RALGPS1: variants seen among roughly 807,000 people sequenced by gnomAD.
The protein encoded by RALGPS1 is ras-specific guanine nucleotide-releasing factor RalGPS1.
RALGPS1 carries 19 observed loss-of-function variants against 78.8 expected under a neutral mutation model. That is an observed-to-expected ratio of 0.24 (90% CI 0.17 to 0.35). RALGPS1 has a LOEUF of 0.35. RALGPS1 is among the 10% of genes least tolerant of loss of function. The pLI, the probability that RALGPS1 is intolerant of heterozygous loss-of-function variation, is 1.00. For missense variants in RALGPS1, 454 were observed against 688.3 expected (o/e 0.66, Z 3.81); for synonymous variants, 228 against 256.3 (o/e 0.89, Z 1.06).
intron 1 of RALGPS1, among the ~76,000 whole-genome samples, chr9:126,940,665 T>A (rs1244251898): frequency 6.6e-6 from 1 of 152,102 alleles, no homozygotes; most frequent in Non-Finnish European, 1.5e-5. Flanking sequence ...ACGGTCTCGA[T>A]CTCCTGACCT....
rs187917958 is a variant in RALGPS1 at position 126,934,506 on chromosome 9, A to C, written c.-66+19531A>C. On this transcript the variant is annotated intron_variant, in intron 1 of 18. Transcript: ENST00000259351. ...GCCGGGTGGTGCTGTAGTCAGAGAA[A>C]CCTCCTGTCAAGCGGAGCCCGATGG... is the stretch of plus-strand genomic sequence containing the variant. 4.4e-3 allele frequency among the ~76,000 whole-genome samples: 656 copies of C among 150,788 alleles called. 5 individuals carry two copies. The highest frequency in any genetic ancestry group is 6.2e-3 in the Non-Finnish European group (417 of 67,684).
intron 4 of RALGPS1, among the ~76,000 whole-genome samples, chr9:126,992,796 C>T (rs2042393933): frequency 6.6e-6 from 1 of 152,336 alleles, no homozygotes. Context: ...GGGTTTTCTA[C>T]ACAGATAATG....
intron 8 of RALGPS1, among the ~76,000 whole-genome samples, chr9:127,151,927 A>G (rs1588188950): frequency 6.6e-6 from 1 of 151,786 alleles, no homozygotes; most frequent in African/African-American, 2.4e-5. Context: ...TTCTCTTTTC[A>G]TTGGCACTGA....
At chr9:127,106,419 T>C (rs886203243) in intron 8 of RALGPS1, among the ~76,000 whole-genome samples, 1 of 152,238 alleles carries the variant, frequency 6.6e-6, no homozygotes, top group African/African-American at 2.4e-5. Flanking sequence ...AAGACCTAGA[T>C]CAAAGGAGGC....
chr9:126,999,889 T>C (rs2043130778), intron 4 of RALGPS1, among the ~76,000 whole-genome samples: 1 of 152,250 alleles, frequency 6.6e-6, no homozygotes, highest in African/African-American at 2.4e-5. Flanking sequence ...ACCACAAATT[T>C]AGTTTCTCTA....
In RALGPS1 at chr9:127,093,777, G is replaced by C. The variant is rs1401857481; in HGVS notation, c.610+24421G>C. On this transcript the variant is annotated intron_variant, in intron 8 of 18. Transcript: ENST00000259351. ...CTGAAGAAGTTAACAGAGCCATCCA[G>C]GCGTCTCTGGATGACGGTCCAGCCC... 3 of 1,613,986 alleles carry C rather than the reference G, an allele frequency of 1.9e-6. No homozygotes were observed. The African/African-American group carries it at 4.0e-5, about 22-fold the overall frequency.
chr9:127,153,249 A>C (rs753305004), intron 8 of RALGPS1, among the ~76,000 whole-genome samples: 2 of 152,074 alleles, frequency 1.3e-5, no homozygotes, highest in African/African-American at 2.4e-5. Flanking sequence ...AGAGCAGATG[A>C]ATGAACTCTG....
chr9:127,061,383 G>T (rs1405846844), intron 7 of RALGPS1, among the ~76,000 whole-genome samples: 1 of 152,236 alleles, frequency 6.6e-6, no homozygotes, highest in African/African-American at 2.4e-5. Flanking sequence ...AGCAGTTTGT[G>T]ATTGGTACCC....
At chr9:127,121,097 C>A (rs958346476) in intron 8 of RALGPS1, among the ~76,000 whole-genome samples, 1 of 152,166 alleles carries the variant, frequency 6.6e-6, no homozygotes, top group Non-Finnish European at 1.5e-5. Flanking sequence ...TACTTTACCT[C>A]AGTTTCCTCA....
At chr9:126,964,169 C>T (rs2039206269) in intron 2 of RALGPS1, among the ~76,000 whole-genome samples, 1 of 151,898 alleles carries the variant, frequency 6.6e-6, no homozygotes. Flanking sequence ...ACCAGCCTGG[C>T]CAACATGGTG....
rs2047827790 is a variant in RALGPS1 at position 127,046,770 on chromosome 9, T to C, written c.301-3273T>C. ...TGGGAGGATACTCAAGCCCAGGAGTTTGAGGTTGGAAGGACAGATGTCCCA... is the reference window on the plus strand; with the variant it reads ...TGGGAGGATACTCAAGCCCAGGAGTCTGAGGTTGGAAGGACAGATGTCCCA... On this transcript the variant is annotated intron_variant, in intron 5 of 18. Coordinates refer to ENST00000259351, the MANE Select transcript of RALGPS1 (RefSeq NM_014636.3). 2.6e-5 allele frequency among the ~76,000 whole-genome samples: 4 copies of C among 151,482 alleles called. 1 individual carries two copies. The South Asian group carries it at 8.3e-4, about 32-fold the overall frequency.
chr9:126,953,064 G>A lies in RALGPS1; in HGVS notation c.-65-9161G>A, dbSNP rs1170594092. Among the ~76,000 whole-genome samples, 3 of 152,112 alleles carry A rather than the reference G, an allele frequency of 2.0e-5. No homozygotes were observed. In the East Asian group the frequency reaches 5.8e-4, roughly 29 times the overall value. On this transcript the variant is annotated intron_variant, in intron 1 of 18. Transcript: ENST00000259351. ...TGATTATTATGCCTTCTCAGGAGTG[G>A]TCTGCATTGGACTGTCTCATGTTAT...
At position 127,211,673 on chromosome 9, in the gene RALGPS1, G is replaced by A. The variant is rs374818389; in HGVS notation, c.1248-458G>A. 6.6e-5 allele frequency among the ~76,000 whole-genome samples: 10 copies of A among 152,048 alleles called. No individual in the cohort carries two copies. The highest frequency in any genetic ancestry group is 2.0e-4 in the Admixed American group (3 of 15,274). ...TGTGGGGAATGGTGCGTGTGGGCTC[G>A]CGTCCCTCCTGTCCCTCCACACCAC... On this transcript the variant is annotated intron_variant, in intron 14 of 18. Coordinates refer to ENST00000259351, the MANE Select transcript of RALGPS1 (RefSeq NM_014636.3). The surrounding 1 kb of genome is among the most constrained non-coding windows in gnomAD (Gnocchi z 5.0).
At chr9:127,177,425 G>A (rs2059943142) in intron 11 of RALGPS1, among the ~76,000 whole-genome samples, 1 of 152,158 alleles carries the variant, frequency 6.6e-6, no homozygotes, top group African/African-American at 2.4e-5. Context: ...GCTGCTTCCT[G>A]CCAGGGCGAT....
intron 4 of RALGPS1, among the ~76,000 whole-genome samples, chr9:127,022,130 C>T (rs190818891): frequency 6.6e-6 from 1 of 152,170 alleles, no homozygotes; most frequent in East Asian, 1.9e-4. Flanking sequence ...TATGTGTATA[C>T]TGATTTCACT....
chr9:127,034,680 A>T (rs1308408118), intron 5 of RALGPS1, among the ~76,000 whole-genome samples, 166 bp downstream of exon 5: 1 of 151,970 alleles, frequency 6.6e-6, no homozygotes, highest in Non-Finnish European at 1.5e-5. Flanking sequence ...ATTATAGTCC[A>T]TTTTCACAGA....
chr9:127,067,134 T>C (rs966386770), intron 7 of RALGPS1, among the ~76,000 whole-genome samples: 3 of 152,034 alleles, frequency 2.0e-5, no homozygotes, highest in African/African-American at 7.2e-5. Context: ...CTGGGCTTTG[T>C]GAAGATTAGA....
intron 11 of RALGPS1, among the ~76,000 whole-genome samples, chr9:127,181,376 C>T (rs1436870767): frequency 6.6e-6 from 1 of 152,238 alleles, no homozygotes; most frequent in African/African-American, 2.4e-5. Context: ...GGGCCAATGT[C>T]ATCCCCATTC....
intron 18 of RALGPS1, among the ~76,000 whole-genome samples, chr9:127,215,133 C>G (rs2062502348): frequency 6.6e-6 from 1 of 152,176 alleles, no homozygotes; most frequent in Admixed American, 6.5e-5. Flanking sequence ...TGATATCACC[C>G]CAGGATCAGG....
Sources: gnomAD v4.1 joint callset for allele counts (sites outside exome capture counted in the v4.1 genomes callset) on GRCh38, gnomAD v4.1.1 for gene constraint, Gnocchi (gnomAD v3.1) non-coding constraint, MANE v1.5 for transcripts, NCBI Gene and HGNC (gene_info 2026-07-23, HGNC 2026-07-21) for gene names.